Variants in SWT1 observed in about 807,000 individuals in gnomAD.
The protein encoded by SWT1 is transcriptional protein SWT1.
SWT1 carries 33 observed loss-of-function variants against 107.3 expected under a neutral mutation model. That is an observed-to-expected ratio of 0.31 (90% CI 0.23 to 0.41). The LOEUF (loss-of-function observed/expected upper bound fraction) is 0.41, where lower values mean the gene tolerates loss of function less well. SWT1 is among the 10% of genes least tolerant of loss of function. The pLI is 1.00. For missense variants in SWT1, 898 were observed against 1,028.9 expected (o/e 0.87, Z 1.74); for synonymous variants, 345 against 348.3 (o/e 0.99, Z 0.11).
At chr1:185,258,509 C>G (rs1433912731) in intron 16 of SWT1, among the ~76,000 whole-genome samples, 1 of 152,032 alleles carries the variant, frequency 6.6e-6, no homozygotes, top group Non-Finnish European at 1.5e-5. Context: ...GTAGTTCTTT[C>G]AGTGAAGATC....
At chr1:185,207,369 A>AG (rs1658418723) in intron 13 of SWT1, among the ~76,000 whole-genome samples, 1 of 152,178 alleles carries the variant, frequency 6.6e-6, no homozygotes, top group Non-Finnish European at 1.5e-5. Context: ...GAAAGATTGA[A>AG]GGGGGAGCCC....
chr1:185,242,363 A>T (rs1248291031), intron 16 of SWT1, among the ~76,000 whole-genome samples: 2 of 152,184 alleles, frequency 1.3e-5, no homozygotes, highest in Non-Finnish European at 2.9e-5. Context: ...ATGTTACTGA[A>T]GATAATACAT....
At chr1:185,241,964 G>T (rs1661280011) in intron 16 of SWT1, among the ~76,000 whole-genome samples, 1 of 152,084 alleles carries the variant, frequency 6.6e-6, no homozygotes, top group Non-Finnish European at 1.5e-5. Context: ...TCACCCAAAT[G>T]TCTCTTCGGG....
intron 16 of SWT1, among the ~76,000 whole-genome samples, chr1:185,244,485 A>C (rs1456470836): frequency 6.6e-6 from 1 of 152,156 alleles, no homozygotes; most frequent in Non-Finnish European, 1.5e-5. Context: ...ATACGGTATA[A>C]AAGATAAAAA....
chr1:185,167,543 AT>A (rs1654689229), intron 3 of SWT1, among the ~76,000 whole-genome samples: 1 of 152,118 alleles, frequency 6.6e-6, no homozygotes, highest in African/African-American at 2.4e-5. Context: ...GTTTCTATTT[AT>A]TTTTGCAATA....
Position 185,204,951 on chromosome 1 carries a change from T to TA in SWT1, c.1833+89dup, listed in dbSNP as rs1402400538. The TA allele has an allele frequency of 1.4e-5, 10 of 702,500 alleles. No homozygotes were observed. In the African/African-American group the frequency reaches 1.7e-4, roughly 12 times the overall value. 43.5% of individuals were successfully genotyped at this position (702,500 alleles called of 1,614,324 possible). On this transcript the variant is annotated intron_variant, in intron 12 of 18. Transcript: ENST00000367500. ...AGAAATATTACTTGTATAAAATGCA[T>TA]ACGCTTCATTGAATAATCTGTATCA...
intron 16 of SWT1, among the ~76,000 whole-genome samples, chr1:185,234,467 A>G (rs544146103): frequency 1.3e-5 from 2 of 152,204 alleles, no homozygotes; most frequent in Admixed American, 6.5e-5. Flanking sequence ...TGCTTCGTAA[A>G]TATTCCTCCA....
chr1:185,246,612 A>G (rs1358116856), intron 16 of SWT1, among the ~76,000 whole-genome samples: 1 of 105,666 alleles, frequency 9.5e-6, no homozygotes, highest in Non-Finnish European at 1.9e-5. Flanking sequence ...TTATGTTCAT[A>G]TTTTGGAGAG....
chr1:185,278,240 T>TGCCC (rs1272349194), intron 18 of SWT1, among the ~76,000 whole-genome samples: 97 of 152,330 alleles, frequency 6.4e-4, no homozygotes, highest in Middle Eastern at 3.4e-3. Flanking sequence ...TATGATAGTA[T>TGCCC]CAGAAGATGG....
Position 185,190,627 on chromosome 1 carries a change from T to C in SWT1, c.1508T>C (p.Phe503Ser), listed in dbSNP as rs756627378. 1 of 1,603,236 alleles carries C rather than the reference T, an allele frequency of 6.2e-7. No individual in the cohort carries two copies. The highest frequency in any genetic ancestry group is 1.3e-5 in the African/African-American group (1 of 74,704). The change falls in exon 10 of 19, where the codon TTT becomes TCT. Residue 503 changes from phenylalanine to serine, a missense_variant. This residue lies in a region of SWT1 where 382 missense variants were observed against 460.0 expected (regional missense o/e 0.83). Transcript: ENST00000367500. ...CACCAGGAATTATTCCCTTGTTCTT[T>C]TGTTATTCTGTGCACGTGAGTTTCA... ...LQHQELFPCS[F>S]VILCTDDRNL...
chr1:185,176,689 A>C (rs1655589249), intron 5 of SWT1: 2 of 985,252 alleles, frequency 2.0e-6, no homozygotes, highest in South Asian at 9.4e-5. Context: ...TTAGGTATTA[A>C]GACTGTGGAC....
intron 16 of SWT1, among the ~76,000 whole-genome samples, chr1:185,235,721 A>G (rs1349983096): frequency 3.9e-5 from 6 of 152,198 alleles, no homozygotes; most frequent in Non-Finnish European, 8.8e-5. Context: ...GGCAAGAGAA[A>G]GAAATAAAGG....
intron 16 of SWT1, among the ~76,000 whole-genome samples, chr1:185,233,264 T>C (rs1284680048): frequency 2.0e-5 from 3 of 152,220 alleles, no homozygotes; most frequent in Non-Finnish European, 4.4e-5. Context: ...CCTGGATTCA[T>C]TGAGTTTTTG....
At chr1:185,200,269 G>T (rs926048479) in intron 10 of SWT1, among the ~76,000 whole-genome samples, 1 of 152,028 alleles carries the variant, frequency 6.6e-6, no homozygotes. Context: ...AACTCATTCT[G>T]TGTCTAGTTT....
rs1329703129 is a variant in SWT1 at position 185,160,627 on chromosome 1, G to A, written c.-9-206G>A. Among the ~76,000 whole-genome samples, 3 of 151,998 alleles carry A rather than the reference G, an allele frequency of 2.0e-5. No homozygotes were observed. In the South Asian group the frequency reaches 6.2e-4, roughly 32 times the overall value. On this transcript the variant is annotated intron_variant, in intron 1 of 18. Transcript: ENST00000367500. ...TGAGGCAGGAGAATTGCTTGAACCC[G>A]GTAGGCAGAGGTTGCAGTGAGCTGA...
chr1:185,245,941 G>C (rs1229927792), intron 16 of SWT1, among the ~76,000 whole-genome samples: 1 of 151,646 alleles, frequency 6.6e-6, no homozygotes, highest in Non-Finnish European at 1.5e-5. Flanking sequence ...GCTAATTTTT[G>C]TATTTTTGTA....
In SWT1 at chr1:185,271,268, T is replaced by C. The variant is rs114995866; in HGVS notation, c.2442-55T>C. 1,686 of 913,562 alleles carry C rather than the reference T, an allele frequency of 1.8e-3. 21 individuals carry two copies. In the African/African-American group the frequency reaches 0.024, roughly 13 times the overall value. The allele number at this position is 913,562 out of a possible 1,614,324, so 56.6% of individuals were successfully genotyped here. Reference sequence around the variant, plus strand: ...ATGTTTTGGGAGAAAGTTCAAGGTATTGGTTTTTTCTGAAATCATTTATTC... The same window carrying C: ...ATGTTTTGGGAGAAAGTTCAAGGTACTGGTTTTTTCTGAAATCATTTATTC... On this transcript the variant is annotated intron_variant, in intron 16 of 18. Coordinates refer to ENST00000367500, the MANE Select transcript of SWT1 (RefSeq NM_017673.7).
intron 1 of SWT1, chr1:185,157,590 C>G (rs1487523366): frequency 6.6e-6 from 1 of 152,574 alleles, no homozygotes; most frequent in African/African-American, 2.4e-5. Context: ...TAGCAGCTGA[C>G]GAGCTTGCCT....
intron 17 of SWT1, among the ~76,000 whole-genome samples, chr1:185,273,916 G>A (rs1664061065): frequency 6.6e-6 from 1 of 151,770 alleles, no homozygotes; most frequent in African/African-American, 2.4e-5. Context: ...GAGGTGGGAG[G>A]ATCGCTTGAG....
Sources: gnomAD v4.1 joint callset for allele counts (sites outside exome capture counted in the v4.1 genomes callset) on GRCh38, gnomAD v4.1.1 for gene constraint, gnomAD v4.1.1 regional missense constraint, MANE v1.5 for transcripts, NCBI Gene and HGNC (gene_info 2026-07-23, HGNC 2026-07-21) for gene names.